Variants in ALKBH1 observed in about 807,000 individuals in gnomAD.
The protein encoded by ALKBH1 is nucleic acid dioxygenase ALKBH1.
ALKBH1 carries 31 observed loss-of-function variants against 36.6 expected under a neutral mutation model. The ratio of observed to expected loss-of-function variants is 0.85; its 90% confidence interval spans 0.64 to 1.14. ALKBH1 has a LOEUF of 1.14. Among genes scored for constraint, ALKBH1 ranks in the 50% most tolerant of loss-of-function variants. The pLI is 0.00. For missense variants in ALKBH1, 490 were observed against 497.3 expected, an observed-to-expected ratio of 0.99 and a Z score of 0.14; for synonymous variants, 183 against 186.6, an observed-to-expected ratio of 0.98 and a Z score of 0.16.
chr14:77,697,633 T>C (rs1482182233), intron 2 of ALKBH1, among the ~76,000 whole-genome samples: 2 of 149,078 alleles, frequency 1.3e-5, no homozygotes, highest in Non-Finnish European at 1.5e-5. Flanking sequence ...TAAATTCATG[T>C]GCAGGTTTTT....
chr14:77,707,995 T>C lies in ALKBH1; in HGVS notation c.10A>G (p.Met4Val), dbSNP rs773510470. 1.1e-5 allele frequency: 18 copies of C among 1,609,428 alleles called. No homozygotes were observed. The highest frequency in any genetic ancestry group is 1.5e-5 in the Non-Finnish European group (18 of 1,177,086). The change falls in exon 1 of 6, where the codon ATG becomes GTG. Residue 4 changes from methionine (M) to valine (V), a missense_variant. Physicochemically the swap from Met to Val is conservative, Grantham distance 21 (BLOSUM62 1). Transcript: ENST00000216489. MGK[M>V]AAAVGSVATL... is the part of the protein sequence containing the mutation. ...GCCACAGAGCCCACGGCCGCTGCCA[T>C]CTTCCCCATCTCGCGGCCTATACCC...
intron 4 of ALKBH1, among the ~76,000 whole-genome samples, chr14:77,678,607 A>G (rs1023807801): frequency 2.0e-5 from 3 of 152,048 alleles, no homozygotes; most frequent in Non-Finnish European, 4.4e-5. Flanking sequence ...GTCTATACCA[A>G]TATTTTTTTT....
chr14:77,706,095 A>C, intron 1 of ALKBH1, among the ~76,000 whole-genome samples: 1 of 120,054 alleles, frequency 8.3e-6, no homozygotes, highest in South Asian at 2.4e-4. Flanking sequence ...ACACACATAT[A>C]TACACACACA....
chr14:77,706,713 G>A (rs776245107), intron 1 of ALKBH1, among the ~76,000 whole-genome samples: 3 of 152,212 alleles, frequency 2.0e-5, no homozygotes, highest in Non-Finnish European at 4.4e-5. Context: ...GGAGCTGAAT[G>A]AGAGTCTGAA....
chr14:77,707,257 T>A (rs370302685), intron 1 of ALKBH1, among the ~76,000 whole-genome samples: 1 of 152,220 alleles, frequency 6.6e-6, no homozygotes, highest in African/African-American at 2.4e-5. Context: ...GTTCCCCTTC[T>A]TAATCTCCAT....
chr14:77,689,851 A>AC (rs1216773011), intron 3 of ALKBH1, among the ~76,000 whole-genome samples: 1 of 152,198 alleles, frequency 6.6e-6, no homozygotes, highest in Non-Finnish European at 1.5e-5. Context: ...TTAATTAAAA[A>AC]AAAAATCAAG....
intron 3 of ALKBH1, among the ~76,000 whole-genome samples, chr14:77,692,277 C>T (rs1048213267): frequency 8.5e-5 from 13 of 152,176 alleles, no homozygotes; most frequent in African/African-American, 2.9e-4. Context: ...AGTGGTGGAG[C>T]TGGGATCTGA....
At chr14:77,683,034 T>G (rs934502592) in intron 3 of ALKBH1, among the ~76,000 whole-genome samples, 1 of 152,076 alleles carries the variant, frequency 6.6e-6, no homozygotes, top group Non-Finnish European at 1.5e-5. Flanking sequence ...AAGAAAAATA[T>G]AGAGATGTAG....
At chr14:77,702,925 C>T (rs1350396603) in intron 2 of ALKBH1, among the ~76,000 whole-genome samples, 1 of 152,066 alleles carries the variant, frequency 6.6e-6, no homozygotes, top group African/African-American at 2.4e-5. Flanking sequence ...GAGACCGAGG[C>T]GGGTGGATCA....
At chr14:77,705,426 A>G (rs1420053988) in intron 1 of ALKBH1, among the ~76,000 whole-genome samples, 1 of 151,896 alleles carries the variant, frequency 6.6e-6, no homozygotes, top group Non-Finnish European at 1.5e-5. Context: ...AAAAAAAAAA[A>G]AAAAAAGAGA....
At chr14:77,677,446 T>G (rs796129389) in intron 4 of ALKBH1, among the ~76,000 whole-genome samples, 1 of 152,210 alleles carries the variant, frequency 6.6e-6, no homozygotes, top group Non-Finnish European at 1.5e-5. Flanking sequence ...GAGGGCTATT[T>G]GGGCTATATG....
intron 2 of ALKBH1, among the ~76,000 whole-genome samples, chr14:77,695,935 T>C (rs969793846): frequency 1.3e-5 from 2 of 151,760 alleles, no homozygotes; most frequent in African/African-American, 2.4e-5. Flanking sequence ...TGTACTAAAA[T>C]ACAAAAATTA....
intron 3 of ALKBH1, among the ~76,000 whole-genome samples, chr14:77,689,961 C>G (rs1251842373): frequency 4.6e-5 from 7 of 152,004 alleles, no homozygotes; most frequent in Non-Finnish European, 8.8e-5. Context: ...TTCAAGGCAG[C>G]CTGGGCAACA....
At position 77,680,677 on chromosome 14, in the gene ALKBH1, C is replaced by CTTTTTTT. The variant is rs1555383644; in HGVS notation, c.456-714_456-708dup. Among the ~76,000 whole-genome samples the CTTTTTTT allele has an allele frequency of 5.5e-3, 681 of 124,122 alleles. 26 individuals are homozygous for CTTTTTTT. The highest frequency in any genetic ancestry group is 0.019 in the African/African-American group (598 of 31,160). 81.4% of individuals were successfully genotyped at this position (124,122 alleles called of 152,430 possible). On this transcript the variant is annotated intron_variant, in intron 3 of 5. Coordinates refer to ENST00000216489, the MANE Select transcript of ALKBH1 (RefSeq NM_006020.3). ...GATCAAATCTATGTGATTAACTACT[C>CTTTTTTT]TTTTTTTTTTTTTTTTTTTGAGACA...
At chr14:77,707,256 C>T (rs976280862) in intron 1 of ALKBH1, among the ~76,000 whole-genome samples, 1 of 152,220 alleles carries the variant, frequency 6.6e-6, no homozygotes, top group African/African-American at 2.4e-5. Context: ...TGTTCCCCTT[C>T]TTAATCTCCA....
chr14:77,698,747 G>A (rs1438968752), intron 2 of ALKBH1, among the ~76,000 whole-genome samples: 2 of 152,026 alleles, frequency 1.3e-5, no homozygotes, highest in African/African-American at 4.8e-5. Flanking sequence ...ACTAGGCTTC[G>A]ACAGTTATTT....
At position 77,679,919 on chromosome 14, in the gene ALKBH1, A is replaced by G. The variant is rs776171718; in HGVS notation, c.507T>C (p.Arg169=). The G allele has an allele frequency of 5.6e-6, 9 of 1,614,222 alleles. No homozygotes were observed. In the East Asian group the frequency reaches 1.1e-4, roughly 20 times the overall value. Residue 169 remains arginine (R), a synonymous_variant, in exon 4 of 6, where the codon CGT becomes CGC. Coordinates refer to ENST00000216489, the MANE Select transcript of ALKBH1 (RefSeq NM_006020.3). The stretch of plus-strand genomic sequence containing the variant: ...TATAATGGTAGCCTACGGTCACCCA[A>G]CGCAGTTTCTCCAGTAAACTTCGGG... ...RRPRSLLEKL[R]WVTVGYHYNW...
chr14:77,698,509 G>A (rs983510880), intron 2 of ALKBH1, among the ~76,000 whole-genome samples: 2 of 152,158 alleles, frequency 1.3e-5, no homozygotes, highest in African/African-American at 4.8e-5. Context: ...CAGGTCCTGA[G>A]GAACAAGAAG....
rs749382923 is a variant in ALKBH1 at position 77,680,001 on chromosome 14, T to C, written c.456-31A>G. On this transcript the variant is annotated intron_variant, in intron 3 of 5. Coordinates refer to ENST00000216489, the MANE Select transcript of ALKBH1 (RefSeq NM_006020.3). ...AAGATTGGTGACAAAAGAGGAATTA[T>C]TCATGTAAAATGGCAGCAATAGCCG... The C allele has an allele frequency of 2.5e-6, 4 of 1,575,154 alleles. No individual in the cohort carries two copies. The South Asian group carries it at 4.4e-5, about 17-fold the overall frequency.
Sources: gnomAD v4.1 joint callset for allele counts (sites outside exome capture counted in the v4.1 genomes callset) on GRCh38, gnomAD v4.1.1 for gene constraint, MANE v1.5 for transcripts, NCBI Gene and HGNC (gene_info 2026-07-23, HGNC 2026-07-21) for gene names.